EFHC2: variants seen among roughly 807,000 people sequenced by gnomAD.
The protein encoded by EFHC2 is EF-hand domain-containing family member C2.
Under a neutral mutation model 52.7 loss-of-function variants are expected in EFHC2, and 18 were observed. The ratio of observed to expected loss-of-function variants is 0.34; its 90% confidence interval spans 0.24 to 0.51. The LOEUF is 0.51. Among genes scored for constraint, EFHC2 ranks in the 20% least tolerant of loss-of-function variants. The pLI is 0.97. For missense variants in EFHC2, 513 were observed against 562.5 expected, an observed-to-expected ratio of 0.91 and a Z score of 0.89; for synonymous variants, 203 against 204.1, an observed-to-expected ratio of 0.99 and a Z score of 0.04.
chrX:44,185,453 C>A (rs1439819367), intron 11 of EFHC2, among the ~76,000 whole-genome samples: 2 of 111,547 alleles, frequency 1.8e-5, no homozygotes, highest in Non-Finnish European at 3.8e-5. Context: ...TTGGCAGTGG[C>A]ATCTAACATC....
chrX:44,171,466 T>A (rs2036745254), intron 13 of EFHC2, among the ~76,000 whole-genome samples: 1 of 111,583 alleles, frequency 9.0e-6, no homozygotes, highest in Non-Finnish European at 1.9e-5. Flanking sequence ...GATCCATTTT[T>A]GACTCAGTTG....
chrX:44,162,932 AGAACCT>A (rs2036668449), intron 14 of EFHC2, among the ~76,000 whole-genome samples: 1 of 112,044 alleles, frequency 8.9e-6, no homozygotes, highest in Non-Finnish European at 1.9e-5. Flanking sequence ...CCTACAGCAG[AGAACCT>A]GATGAGAGTC....
chrX:44,330,418 A>G (rs925984591), intron 1 of EFHC2, among the ~76,000 whole-genome samples: 2 of 112,414 alleles, frequency 1.8e-5, no homozygotes, highest in African/African-American at 6.5e-5. Context: ...AACAGGATGA[A>G]AAGATAAGCC....
At chrX:44,308,334 G>C (rs1161189953) in intron 2 of EFHC2, among the ~76,000 whole-genome samples, 1 of 109,061 alleles carries the variant, frequency 9.2e-6, no homozygotes. Flanking sequence ...CCACATATAA[G>C]TGCTTTTAAA....
chrX:44,329,689 ATCTC>A (rs781088474), intron 1 of EFHC2, among the ~76,000 whole-genome samples: 1 of 108,964 alleles, frequency 9.2e-6, no homozygotes, highest in East Asian at 2.9e-4. Context: ...TGCAGCCTCC[ATCTC>A]TCAGGCTCAA....
Position 44,272,811 on chromosome X carries a change from T to C in EFHC2, c.257A>G (p.Glu86Gly). 8.6e-7 allele frequency: 1 copy of C among 1,163,038 alleles called. No homozygotes were observed. The highest frequency in any genetic ancestry group is 1.2e-6 in the Non-Finnish European group (1 of 868,772). Residue 86 changes from glutamate (E) to glycine (G), a missense_variant, in exon 3 of 15, where the codon GAA becomes GGA. Transcript: ENST00000420999. The part of the protein sequence containing the change: ...KQVLSFDAYL[E>G]EEVLDKSQTN... ...TTGGCTTTTATCAAGTACTTCCTCT[T>C]CCAAATAGGCATCAAAAGATAATAC...
chrX:44,209,416 C>T (rs2037077478), intron 11 of EFHC2, among the ~76,000 whole-genome samples: 5 of 109,829 alleles, frequency 4.6e-5, no homozygotes, highest in Admixed American at 2.9e-4. Context: ...GGACCATCAG[C>T]GTAGAAAAAC....
chrX:44,193,292 A>G, intron 11 of EFHC2, among the ~76,000 whole-genome samples: 1 of 85,812 alleles, frequency 1.2e-5, no homozygotes, highest in Non-Finnish European at 2.2e-5. Context: ...AAACCAATGT[A>G]CATCTTACAT....
At chrX:44,224,697 T>C (rs925629905) in intron 11 of EFHC2, among the ~76,000 whole-genome samples, 2 of 112,503 alleles carry the variant, frequency 1.8e-5, no homozygotes, top group African/African-American at 6.5e-5. Context: ...TACACTGGGT[T>C]CTGGAGGCAT....
intron 14 of EFHC2, among the ~76,000 whole-genome samples, chrX:44,155,595 AAGGC>A (rs2036601011): frequency 1.8e-5 from 2 of 112,237 alleles, no homozygotes; most frequent in South Asian, 7.4e-4. Flanking sequence ...TCCCAAATGC[AAGGC>A]AGATAGAGTC....
intron 11 of EFHC2, among the ~76,000 whole-genome samples, chrX:44,229,291 C>T (rs764941534): frequency 1.8e-5 from 2 of 111,564 alleles, no homozygotes; most frequent in South Asian, 7.5e-4. Context: ...TCCTTTGTCC[C>T]CCAGATTTTG....
chrX:44,282,518 A>G (rs2037711028), intron 2 of EFHC2, among the ~76,000 whole-genome samples: 1 of 89,830 alleles, frequency 1.1e-5, no homozygotes, highest in Non-Finnish European at 2.2e-5. Flanking sequence ...TGGGAGGCAC[A>G]GGCAGGAGAA....
chrX:44,277,799 A>T (rs1480012376), intron 2 of EFHC2, among the ~76,000 whole-genome samples: 2 of 110,914 alleles, frequency 1.8e-5, no homozygotes, highest in Non-Finnish European at 3.8e-5. Flanking sequence ...TGTACCTATA[A>T]ACGAAAATTG....
At chrX:44,217,612 T>G (rs1423434484) in intron 11 of EFHC2, among the ~76,000 whole-genome samples, 2 of 111,360 alleles carry the variant, frequency 1.8e-5, no homozygotes, top group Non-Finnish European at 3.8e-5. Flanking sequence ...ACATCACATG[T>G]TCTCACTTAT....
chrX:44,161,072 T>C (rs891900720), intron 14 of EFHC2, among the ~76,000 whole-genome samples: 2 of 112,385 alleles, frequency 1.8e-5, no homozygotes, highest in African/African-American at 6.5e-5. Flanking sequence ...GATCTTATTT[T>C]CATACAATAC....
intron 13 of EFHC2, among the ~76,000 whole-genome samples, chrX:44,174,656 G>T (rs1405804125): frequency 6.7e-4 from 68 of 101,294 alleles, no homozygotes; most frequent in South Asian, 1.5e-3. Context: ...AAAAAAGGGG[G>T]GGGGAGGGGG....
At chrX:44,266,261 A>C (rs2037576609) in intron 3 of EFHC2, among the ~76,000 whole-genome samples, 1 of 111,627 alleles carries the variant, frequency 9.0e-6, no homozygotes, top group African/African-American at 3.3e-5. Flanking sequence ...CCCAGTGTCC[A>C]CCCTCTAGGG....
chrX:44,223,597 C>A (rs544655826), intron 11 of EFHC2, among the ~76,000 whole-genome samples: 1 of 111,379 alleles, frequency 9.0e-6, no homozygotes, highest in Non-Finnish European at 1.9e-5. Flanking sequence ...GTGACAGAAT[C>A]AAATCAAAGA....
chrX:44,303,892 A>G (rs1323429156), intron 2 of EFHC2, among the ~76,000 whole-genome samples: 2 of 112,249 alleles, frequency 1.8e-5, no homozygotes, highest in African/African-American at 6.5e-5. Flanking sequence ...TGCATATCCC[A>G]TAAGATCAAC....
Sources: gnomAD v4.1 joint callset for allele counts (sites outside exome capture counted in the v4.1 genomes callset) on GRCh38, gnomAD v4.1.1 for gene constraint, MANE v1.5 for transcripts, NCBI Gene and HGNC (gene_info 2026-07-23, HGNC 2026-07-21) for gene names.